Variants in MCRIP1 observed in about 807,000 individuals in gnomAD.
MCRIP1 encodes MAPK regulated corepressor interacting protein 1, also known as mapk-regulated corepressor-interacting protein 1.
Under a neutral mutation model 14.4 loss-of-function variants are expected in MCRIP1, and 10 were observed. The observed-to-expected ratio is 0.70, with a 90% confidence interval of 0.43 to 1.18. The LOEUF is 1.18. MCRIP1 is among the 50% of genes most tolerant of loss of function. The probability of loss-of-function intolerance (pLI) is 0.00; values close to 1 mark genes in which losing one functional copy is unlikely to be tolerated. For missense variants in MCRIP1, 119 were observed against 135.4 expected, an observed-to-expected ratio of 0.88 and a Z score of 0.60; for synonymous variants, 53 against 55.7, an observed-to-expected ratio of 0.95 and a Z score of 0.21.
chr17:81,826,072 C>T (rs1210512660), intron 1 of MCRIP1: 5 of 1,466,110 alleles, frequency 3.4e-6, no homozygotes, highest in African/African-American at 1.4e-5. Context: ...CCCATGCATC[C>T]TCTGCCTCCA....
chr17:81,824,670 T>C (rs2038351640), intron 1 of MCRIP1, 116 bp from the exon 2 acceptor site: 3 of 1,493,306 alleles, frequency 2.0e-6, no homozygotes, highest in Non-Finnish European at 2.7e-6. Flanking sequence ...AAGTGCATGG[T>C]CCCTCTGCCT....
chr17:81,823,123 A>G lies in MCRIP1; in HGVS notation c.*124T>C, dbSNP rs1218150469. On this transcript the variant is annotated 3_prime_UTR_variant, in exon 5 of 5. Transcript: ENST00000455127. This position sits in a 1 kb window ranked among gnomAD's most constrained non-coding sequence, Gnocchi z 6.0. The stretch of plus-strand genomic sequence containing the variant: ...GCAGGCCTCAGCCGTCAGTCACGCC[A>G]GTGCTGGGATCTGCAGCCCGCTGGA... 6.7e-6 allele frequency: 6 copies of G among 894,550 alleles called. No individual in the cohort carries two copies. Among genetic ancestry groups the G allele is most frequent in the Non-Finnish European group, 1.1e-5 (6 of 569,588 alleles). The allele number at this position is 894,550 out of a possible 1,614,324, so 55.4% of individuals were successfully genotyped here.
chr17:81,825,273 C>A, intron 1 of MCRIP1: 5 of 1,105,100 alleles, frequency 4.5e-6, no homozygotes, highest in Non-Finnish European at 5.6e-6. Context: ...GGGGAATCCA[C>A]GGCTCTGGAA....
chr17:81,824,351 G>T lies in MCRIP1; in HGVS notation c.63C>A (p.Ser21=). ...TGAAGATCTCGCTGCTGCTGGGTGG[G>T]GAGCGGGGGCTGCTGGTCCTCTTGC... The part of the protein sequence containing the change: ...YNGKRTSSPR[S]PPSSSEIFTP... Residue 21 remains serine, a synonymous_variant, in exon 3 of 5, where the codon TCC becomes TCA. Coordinates refer to ENST00000455127, the MANE Select transcript of MCRIP1 (RefSeq NM_207368.5). 1 of 1,530,166 alleles carries T rather than the reference G, an allele frequency of 6.5e-7. No individual in the cohort carries two copies. Among genetic ancestry groups the T allele is most frequent in the Non-Finnish European group, 8.7e-7 (1 of 1,144,242 alleles). The allele number at this position is 1,530,166 out of a possible 1,614,324, so 94.8% of individuals were successfully genotyped here. A position where few individuals can be genotyped will look rare whatever the true frequency, so the allele number is the denominator to read the frequency against.
chr17:81,822,878 G>A lies in MCRIP1; in HGVS notation c.*369C>T, dbSNP rs1228262431. On this transcript the variant is annotated 3_prime_UTR_variant, in exon 5 of 5. Coordinates refer to ENST00000455127, the MANE Select transcript of MCRIP1 (RefSeq NM_207368.5). The stretch of plus-strand genomic sequence containing the variant: ...CCCAGTCCCAGCAGCCTGGGAGGCA[G>A]CAGAGGCTCCTTCTTCTCCCCTCCT... 7.4e-6 allele frequency: 3 copies of A among 406,776 alleles called. No individual in the cohort carries two copies. The highest frequency in any genetic ancestry group is 7.0e-4 in the Middle Eastern group (1 of 1,438). The allele number at this position is 406,776 out of a possible 1,614,324, so 25.2% of individuals were successfully genotyped here.
rs372909650 is a variant in MCRIP1, at chr17:81,825,278, C to T, written c.-48-724G>A. On this transcript the variant is annotated intron_variant, in intron 1 of 4. Transcript: ENST00000455127. ...TCCCAGCCCAGGGGAATCCACGGCTCTGGAAAAATGGAGTCTATTTTGAGG... is the reference window on the plus strand; with the variant it reads ...TCCCAGCCCAGGGGAATCCACGGCTTTGGAAAAATGGAGTCTATTTTGAGG... 94 of 1,107,632 alleles carry T rather than the reference C, an allele frequency of 8.5e-5. No individual in the cohort carries two copies. The African/African-American group carries it at 1.4e-3, about 17-fold the overall frequency. The allele number at this position is 1,107,632 out of a possible 1,614,324, so 68.6% of individuals were successfully genotyped here. A position where few individuals can be genotyped will look rare whatever the true frequency, so the allele number is the denominator to read the frequency against.
intron 1 of MCRIP1, among the ~76,000 whole-genome samples, chr17:81,831,001 C>G (rs924257029): frequency 1.3e-5 from 2 of 151,952 alleles, no homozygotes; most frequent in South Asian, 4.2e-4. Context: ...AACCCCATCT[C>G]TACTAAAAAA....
At position 81,832,778 on chromosome 17, in the gene MCRIP1, G is replaced by A. The variant is rs545050642; in HGVS notation, c.-49+460C>T. Among the ~76,000 whole-genome samples the A allele has an allele frequency of 2.4e-3, 373 of 152,360 alleles. 2 individuals carry two copies. The highest frequency in any genetic ancestry group is 2.1e-3 in the Admixed American group (32 of 15,310). ...CACCGCCCGGGGAGACGGGAAAGAG[G>A]GCAAGGCCGAAAAATGGACAGAAAA... is the stretch of plus-strand genomic sequence containing the variant. On this transcript the variant is annotated intron_variant, in intron 1 of 4. Transcript: ENST00000455127.
In MCRIP1 at chr17:81,823,066, A is replaced by G; in HGVS notation, c.*181T>C. Reference sequence around the variant, plus strand: ...ATGATGGGGGCAGCCTGAGACCCCCAAGGATGAAGGAAGGGGGCTTGGGAA... The same window carrying G: ...ATGATGGGGGCAGCCTGAGACCCCCGAGGATGAAGGAAGGGGGCTTGGGAA... On this transcript the variant is annotated 3_prime_UTR_variant, in exon 5 of 5. Transcript: ENST00000455127. The surrounding 1 kb of genome is among the most constrained non-coding windows in gnomAD (Gnocchi z 6.0). 1 of 658,242 alleles carries G rather than the reference A, an allele frequency of 1.5e-6. No individual in the cohort carries two copies. The highest frequency in any genetic ancestry group is 2.4e-5 in the Admixed American group (1 of 42,236). The allele number at this position is 658,242 out of a possible 1,614,324, so 40.8% of individuals were successfully genotyped here.
rs2038346146 is a variant in MCRIP1 at position 81,824,481 on chromosome 17, C to T, written c.8+18G>A. ...CAACCCGCCCCGGTGGAGACCAGCC[C>T]ACCTGCCTGAGACCCACCTGGTCAT... On this transcript the variant is annotated intron_variant, in intron 2 of 4. Transcript: ENST00000455127. 2 of 1,535,876 alleles carry T rather than the reference C, an allele frequency of 1.3e-6. No homozygotes were observed. Among genetic ancestry groups the T allele is most frequent in the Admixed American group, 2.0e-5 (1 of 50,964 alleles).
At chr17:81,832,071 C>T (rs182170355) in intron 1 of MCRIP1, among the ~76,000 whole-genome samples, 133 of 152,304 alleles carry the variant, frequency 8.7e-4, no homozygotes, top group Non-Finnish European at 1.5e-3. Flanking sequence ...ACTCCAGCAA[C>T]GTGACAATAG....
At chr17:81,824,475 C>A (rs770123648) in intron 2 of MCRIP1, 24 bp downstream of exon 2, 1 of 1,535,702 alleles carries the variant, frequency 6.5e-7, no homozygotes, top group African/African-American at 1.4e-5. Context: ...CCGGTGGAGA[C>A]CAGCCCACCT....
rs2038314872 is a variant in MCRIP1, at chr17:81,823,423, G to C, written c.218C>G (p.Pro73Arg). Residue 73 changes from proline to arginine, a missense_variant, in exon 4 of 5, where the codon CCC becomes CGC. Transcript: ENST00000455127. The surrounding 1 kb of genome is among the most constrained non-coding windows in gnomAD (Gnocchi z 6.0). ...VEEYVEKVPN[P>R]SLKTFKPIDL... Reference sequence around the variant, plus strand: ...CAGCCCCCACTCACTCTTCAGGCTGGGGTTAGGGACCTTCTCCACATACTC... The same window carrying C: ...CAGCCCCCACTCACTCTTCAGGCTGCGGTTAGGGACCTTCTCCACATACTC... 6.5e-7 allele frequency: 1 copy of C among 1,536,680 alleles called. No individual in the cohort carries two copies. Among genetic ancestry groups the C allele is most frequent in the Admixed American group, 2.0e-5 (1 of 50,962 alleles).
rs1356055287 is a variant in MCRIP1, at chr17:81,830,361, G to A, written c.-49+2877C>T. On this transcript the variant is annotated intron_variant, in intron 1 of 4. Transcript: ENST00000455127. ...TAAGAATGAAAGGGGCTGGGGCCAG[G>A]CGTGGTGGCTCACGCCTGTAATCCC... Among the ~76,000 whole-genome samples the A allele has an allele frequency of 2.0e-5, 3 of 152,260 alleles. No homozygotes were observed. The South Asian group carries it at 6.2e-4, about 31-fold the overall frequency.
At chr17:81,826,814 T>C (rs2038410541) in intron 1 of MCRIP1, among the ~76,000 whole-genome samples, 1 of 76,354 alleles carries the variant, frequency 1.3e-5, no homozygotes, top group Non-Finnish European at 2.3e-5. Flanking sequence ...CAAGACTCCA[T>C]CTCAAAAAAA....
At chr17:81,833,187 G>A (rs2038558358) in intron 1 of MCRIP1, 51 bp downstream of exon 1, 2 of 146,796 alleles carry the variant, frequency 1.4e-5, no homozygotes, top group Admixed American at 1.4e-4. Context: ...GCCCAGCCGC[G>A]CCCGCCCCGC....
At position 81,823,475 on chromosome 17, in the gene MCRIP1, G is replaced by A. The variant is rs985415197; in HGVS notation, c.166C>T (p.Pro56Ser). Residue 56 changes from proline (P) to serine (S), a missense_variant, in exon 4 of 5, where the codon CCG (proline) becomes TCG (serine). By Grantham distance (74) the Pro-to-Ser change is moderately conservative (BLOSUM62 -1). Transcript: ENST00000455127. The surrounding 1 kb of genome is among the most constrained non-coding windows in gnomAD (Gnocchi z 6.0). ...TCCACCAGGCCCCGCTCGCCACCCG[G>A]CACCTGGCCTCGCAGGTCTCGCTCC... ...GVERDLRGQV[P>S]GGERGLVEEY... is the part of the protein sequence containing the mutation. The A allele has an allele frequency of 6.5e-6, 10 of 1,536,562 alleles. No individual in the cohort carries two copies. The Admixed American group carries it at 1.6e-4, about 24-fold the overall frequency.
chr17:81,830,957 G>C (rs1472396988), intron 1 of MCRIP1, among the ~76,000 whole-genome samples: 1 of 152,026 alleles, frequency 6.6e-6, no homozygotes, highest in Admixed American at 6.6e-5. Flanking sequence ...TCTGAGGTCA[G>C]GAGTTCGAGA....
chr17:81,827,480 C>T (rs1261422258), intron 1 of MCRIP1, among the ~76,000 whole-genome samples: 1 of 151,608 alleles, frequency 6.6e-6, no homozygotes, highest in African/African-American at 2.4e-5. Flanking sequence ...GTCCTGTTAG[C>T]CAGGATGGTC....
Sources: gnomAD v4.1 joint callset for allele counts (sites outside exome capture counted in the v4.1 genomes callset) on GRCh38, gnomAD v4.1.1 for gene constraint, Gnocchi (gnomAD v3.1) non-coding constraint, MANE v1.5 for transcripts, NCBI Gene and HGNC (gene_info 2026-07-23, HGNC 2026-07-21) for gene names.